Variants in MEDAG observed in about 807,000 individuals in gnomAD.
MEDAG encodes mesenteric estrogen-dependent adipogenesis protein.
In MEDAG, 25 loss-of-function variants were observed where a neutral mutation model predicts 29.9. That is an observed-to-expected ratio of 0.84 (90% CI 0.61 to 1.17). The LOEUF (loss-of-function observed/expected upper bound fraction) is 1.17. Among genes scored for constraint, MEDAG ranks in the 50% most tolerant of loss-of-function variants. The pLI, the probability that MEDAG is intolerant of heterozygous loss-of-function variation, is 0.00. For missense variants in MEDAG, 398 were observed against 372.9 expected (o/e 1.07, Z -0.56); for synonymous variants, 158 against 148.2 (o/e 1.07, Z -0.48).
Position 30,906,386 on chromosome 13 carries a change from G to C in MEDAG, c.-130G>C, listed in dbSNP as rs1047537632. 1.6e-5 allele frequency: 16 copies of C among 1,018,188 alleles called. No homozygotes were observed. In the South Asian group the frequency reaches 3.5e-4, roughly 22 times the overall value. The allele number at this position is 1,018,188 out of a possible 1,614,324, so 63.1% of individuals were successfully genotyped here. ...CGCGTCCCGGCCAGGCGGGCAGACC[G>C]ACCCCCTCCTCACCTCGCGCGCGGC... On this transcript the variant is annotated 5_prime_UTR_variant, in exon 1 of 5. Transcript: ENST00000380482.
At chr13:30,911,111 T>C (rs894167990) in intron 1 of MEDAG, among the ~76,000 whole-genome samples, 1 of 152,218 alleles carries the variant, frequency 6.6e-6, no homozygotes, top group African/African-American at 2.4e-5. Flanking sequence ...TTATTGTCCA[T>C]GGGACTCCAT....
intron 1 of MEDAG, among the ~76,000 whole-genome samples, chr13:30,917,198 T>C (rs1952937263): frequency 6.6e-6 from 1 of 152,202 alleles, no homozygotes; most frequent in Admixed American, 6.5e-5. Flanking sequence ...CCTAGGGCCA[T>C]GGCTGCCTGT....
chr13:30,922,658 T>C (rs1952999682), intron 4 of MEDAG: 1 of 152,300 alleles, frequency 6.6e-6, no homozygotes, highest in Non-Finnish European at 1.5e-5. Context: ...TGATGACATA[T>C]GGCAGGTTCT....
At chr13:30,910,763 G>A (rs1041923569) in intron 1 of MEDAG, among the ~76,000 whole-genome samples, 3 of 152,230 alleles carry the variant, frequency 2.0e-5, no homozygotes, top group Admixed American at 2.0e-4. Flanking sequence ...CAGGTGAGGT[G>A]AAGCGGCACT....
chr13:30,920,699 G>A (rs1952975075), intron 2 of MEDAG, among the ~76,000 whole-genome samples: 2 of 152,204 alleles, frequency 1.3e-5, no homozygotes. Flanking sequence ...TGGAGGCACA[G>A]TTCTCATCTG....
At chr13:30,923,890 C>T (rs1393192776) in intron 4 of MEDAG, among the ~76,000 whole-genome samples, 1 of 152,192 alleles carries the variant, frequency 6.6e-6, no homozygotes, top group African/African-American at 2.4e-5. Context: ...AAGCTGTCAT[C>T]ATGCACTGCA....
chr13:30,920,422 CA>C (rs973441549), intron 2 of MEDAG, among the ~76,000 whole-genome samples: 2 of 148,700 alleles, frequency 1.3e-5, no homozygotes, highest in Non-Finnish European at 3.0e-5. Context: ...CCTGTCTCTG[CA>C]AAAAAAAATA....
intron 2 of MEDAG, among the ~76,000 whole-genome samples, chr13:30,920,016 A>G (rs1952967461): frequency 6.6e-6 from 1 of 152,214 alleles, no homozygotes; most frequent in South Asian, 2.1e-4. Flanking sequence ...GCCAGGACAG[A>G]CACGTGGTAT....
At position 30,907,983 on chromosome 13, in the gene MEDAG, C is replaced by G. The variant is rs572496226; in HGVS notation, c.278+1190C>G. Among the ~76,000 whole-genome samples, 5 of 152,218 alleles carry G rather than the reference C, an allele frequency of 3.3e-5. No homozygotes were observed. The South Asian group carries it at 1.0e-3, about 32-fold the overall frequency. On this transcript the variant is annotated intron_variant, in intron 1 of 4. Coordinates refer to ENST00000380482, the MANE Select transcript of MEDAG (RefSeq NM_032849.4). ...GAAAATTCCAATTCCAAACCATAAG[C>G]GGAGGACTGTGGGAGGAACTGAGTC...
chr13:30,921,699 G>A lies in MEDAG; in HGVS notation c.640G>A (p.Val214Ile), dbSNP rs149352249. ...FFYWFGLSNS[V>I]VKVNGKVLNL... is the part of the protein sequence containing the mutation. Reference sequence around the variant, plus strand: ...CTATTGGTTTGGGCTCAGTAATTCCGTTGTAAAAGTAAATGGAAAAGTTCT... The same window carrying A: ...CTATTGGTTTGGGCTCAGTAATTCCATTGTAAAAGTAAATGGAAAAGTTCT... Residue 214 changes from valine (V) to isoleucine (I), a missense_variant, in exon 4 of 5, where the codon GTT becomes ATT. Transcript: ENST00000380482. 91 of 1,614,040 alleles carry A rather than the reference G, an allele frequency of 5.6e-5. No homozygotes were observed. Among genetic ancestry groups the A allele is most frequent in the East Asian group, 1.8e-4 (8 of 44,842 alleles).
chr13:30,920,000 C>T (rs1224772640), intron 2 of MEDAG, among the ~76,000 whole-genome samples: 3 of 152,214 alleles, frequency 2.0e-5, no homozygotes, highest in Non-Finnish European at 4.4e-5. Context: ...CCAAAAAAAT[C>T]TGTCTGCCAG....
At chr13:30,922,079 A>T (rs1046860296) in intron 4 of MEDAG, 2 of 363,668 alleles carry the variant, frequency 5.5e-6, no homozygotes, top group African/African-American at 4.2e-5. Context: ...TATGCAGTAT[A>T]CCCCAAAATA....
At chr13:30,916,907 T>C (rs899822272) in intron 1 of MEDAG, 3 of 159,752 alleles carry the variant, frequency 1.9e-5, no homozygotes, top group African/African-American at 7.2e-5. Flanking sequence ...TAATAGTTCA[T>C]ATGAATATTG....
In MEDAG at chr13:30,918,619, G is replaced by T. The variant is rs74755739; in HGVS notation, c.388+1107G>T. On this transcript the variant is annotated intron_variant, in intron 2 of 4. Transcript: ENST00000380482. The stretch of plus-strand genomic sequence containing the variant: ...CTGCTCAGAATGATATGTGGGGGAA[G>T]TCATGGGCATAACGTTCTGTAATAG... 9.0e-3 allele frequency among the ~76,000 whole-genome samples: 1,369 copies of T among 152,280 alleles called. 20 individuals carry two copies. Among genetic ancestry groups the T allele is most frequent in the African/African-American group, 0.031 (1,303 of 41,546 alleles).
At chr13:30,910,281 C>T (rs117620960) in intron 1 of MEDAG, among the ~76,000 whole-genome samples, 1 of 152,110 alleles carries the variant, frequency 6.6e-6, no homozygotes, top group East Asian at 1.9e-4. Context: ...CAAAGAAGAC[C>T]TGGAGTCCCT....
intron 1 of MEDAG, among the ~76,000 whole-genome samples, chr13:30,909,371 T>C (rs1999418): frequency 0.98 from 148,656 of 152,096 alleles, 72,734 homozygotes; most frequent in South Asian, 1. Flanking sequence ...CTTGTATTTT[T>C]GACCCTTAAT....
intron 1 of MEDAG, among the ~76,000 whole-genome samples, chr13:30,913,457 T>C (rs561994654): frequency 1.1e-4 from 17 of 152,174 alleles, no homozygotes; most frequent in Non-Finnish European, 2.2e-4. Flanking sequence ...GGTCTACAAC[T>C]CCTTGCCTCA....
At chr13:30,914,365 T>C (rs889153006) in intron 1 of MEDAG, among the ~76,000 whole-genome samples, 2 of 152,216 alleles carry the variant, frequency 1.3e-5, no homozygotes, top group African/African-American at 4.8e-5. Context: ...ATCTCTTGTC[T>C]GTAAGTTCTG....
At position 30,921,024 on chromosome 13, in the gene MEDAG, C is replaced by A; in HGVS notation, c.399C>A (p.Tyr133Ter). ...TKKDTSKERT[Y>*]AFLVNTRHPK... is the part of the protein sequence containing the mutation. ...CTTGCTAATTTCTAGAAAGGACGTA[C>A]GCGTTTCTTGTAAACACGAGGCACC... is the stretch of plus-strand genomic sequence containing the variant. The change falls in exon 3 of 5, where the codon TAC becomes TAA. Residue 133 changes from tyrosine to a stop codon, truncating the protein, a stop_gained. Transcript: ENST00000380482. LOFTEE classifies it high-confidence loss of function. 6.2e-7 allele frequency: 1 copy of A among 1,613,508 alleles called. No homozygotes were observed. The highest frequency in any genetic ancestry group is 8.5e-7 in the Non-Finnish European group (1 of 1,179,652).
Sources: gnomAD v4.1 joint callset for allele counts (sites outside exome capture counted in the v4.1 genomes callset) on GRCh38, gnomAD v4.1.1 for gene constraint, MANE v1.5 for transcripts, NCBI Gene and HGNC (gene_info 2026-07-23, HGNC 2026-07-21) for gene names.